The following COL24A1 variants were observed in gnomAD, a reference collection of about 807,000 sequenced individuals.
COL24A1 encodes the protein collagen type XXIV alpha 1 chain.
A neutral mutation model predicts 253.9 loss-of-function variants in COL24A1; 224 were observed. The observed-to-expected ratio is 0.88, with a 90% CI of 0.79 to 0.99. The LOEUF (loss-of-function observed/expected upper bound fraction) is 0.99, where lower values mean the gene tolerates loss of function less well. COL24A1 is among the 50% of genes least tolerant of loss of function. The probability of loss-of-function intolerance (pLI) is 0.00; values close to 1 mark genes in which losing one functional copy is unlikely to be tolerated. For missense variants in COL24A1, 2,131 were observed against 2,068.5 expected (o/e 1.03, Z -0.59); for synonymous variants, 685 against 673.7 (o/e 1.02, Z -0.26).
In COL24A1 at chr1:85,734,900, T is replaced by A. The variant is rs1200756052; in HGVS notation, c.4847A>T (p.His1616Leu). The change falls in exon 59 of 60, where the codon CAT (histidine) becomes CTT (leucine). Residue 1616 changes from histidine (H) to leucine (L), a missense_variant. Physicochemically the swap from His to Leu is moderately conservative, Grantham distance 99. Coordinates refer to ENST00000370571, the MANE Select transcript of COL24A1 (RefSeq NM_152890.7). ...FLHLLSSEAT[H>L]IITIHCLNTP... ...GTTTAGACAGTGAATGGTGATGATA[T>A]GGGTGGCTTCCGAACTCAGTAAATG... 1 of 1,614,116 alleles carries A rather than the reference T, an allele frequency of 6.2e-7. No homozygotes were observed. The highest frequency in any genetic ancestry group is 2.2e-5 in the East Asian group (1 of 44,902).
intron 5 of COL24A1, among the ~76,000 whole-genome samples, chr1:86,100,202 AGC>A (rs1704329697): frequency 6.6e-6 from 1 of 152,150 alleles, no homozygotes; most frequent in Admixed American, 6.6e-5. Flanking sequence ...AACCTCATTC[AGC>A]TATTCTTCAA....
intron 5 of COL24A1, among the ~76,000 whole-genome samples, chr1:86,108,278 A>G (rs557134290): frequency 1.4e-4 from 21 of 152,294 alleles, no homozygotes; most frequent in African/African-American, 4.3e-4. Context: ...CTCTATTACA[A>G]TGTGTTTAAT....
chr1:85,769,694 T>A (rs1170506899), intron 53 of COL24A1, among the ~76,000 whole-genome samples: 3 of 152,072 alleles, frequency 2.0e-5, no homozygotes, highest in African/African-American at 4.8e-5. Context: ...AGGCTAACCA[T>A]CCCAGATATT....
intron 3 of COL24A1, among the ~76,000 whole-genome samples, chr1:86,122,968 TTATC>T (rs1571997708): frequency 6.6e-6 from 1 of 152,054 alleles, no homozygotes; most frequent in African/African-American, 2.4e-5. Flanking sequence ...GCTTGGATCT[TTATC>T]TGTCTGCTTT....
chr1:85,984,232 T>C (rs1693510533), intron 20 of COL24A1, among the ~76,000 whole-genome samples: 1 of 151,902 alleles, frequency 6.6e-6, no homozygotes, highest in Admixed American at 6.6e-5. Flanking sequence ...TTGAAAGTTC[T>C]CTGGTTCTTC....
intron 12 of COL24A1, among the ~76,000 whole-genome samples, chr1:86,035,439 G>T (rs148022358): frequency 6.6e-5 from 10 of 152,154 alleles, no homozygotes; most frequent in African/African-American, 2.2e-4. Context: ...TCATTAGTAG[G>T]TTTTCCAGAA....
At chr1:86,053,808 A>G (rs1274434174) in intron 10 of COL24A1, among the ~76,000 whole-genome samples, 2 of 152,148 alleles carry the variant, frequency 1.3e-5, no homozygotes, top group African/African-American at 4.8e-5. Context: ...ATAACTGCCA[A>G]TGAAAAGCTA....
intron 24 of COL24A1, among the ~76,000 whole-genome samples, chr1:85,942,701 T>C (rs1183595178): frequency 2.6e-5 from 4 of 152,170 alleles, no homozygotes; most frequent in Non-Finnish European, 5.9e-5. Flanking sequence ...ATCCCTAATG[T>C]TGAAATCCTG....
chr1:85,858,804 G>C (rs1678804837), intron 37 of COL24A1, among the ~76,000 whole-genome samples: 2 of 151,626 alleles, frequency 1.3e-5, no homozygotes, highest in Non-Finnish European at 2.9e-5. Flanking sequence ...GCAGTGGCAT[G>C]ATCATGGCTC....
intron 45 of COL24A1, among the ~76,000 whole-genome samples, chr1:85,823,127 T>A (rs1673836664): frequency 6.6e-6 from 1 of 152,326 alleles, no homozygotes; most frequent in Non-Finnish European, 1.5e-5. Flanking sequence ...TTCCTTACCA[T>A]GCTTTAACAA....
intron 55 of COL24A1, among the ~76,000 whole-genome samples, chr1:85,759,247 C>T (rs965178718): frequency 1.2e-4 from 18 of 152,062 alleles, no homozygotes; most frequent in African/African-American, 3.9e-4. Context: ...CAAGCATGCA[C>T]TCAACATTTA....
At chr1:85,991,206 C>T (rs973719192) in intron 19 of COL24A1, among the ~76,000 whole-genome samples, 1 of 152,136 alleles carries the variant, frequency 6.6e-6, no homozygotes, top group Non-Finnish European at 1.5e-5. Flanking sequence ...GACCAAGAAA[C>T]AGGCAGAACT....
intron 20 of COL24A1, among the ~76,000 whole-genome samples, chr1:85,978,190 C>T (rs2100831850): frequency 6.6e-6 from 1 of 152,096 alleles, no homozygotes; most frequent in Non-Finnish European, 1.5e-5. Context: ...GAGCATTCAC[C>T]ACTACCAAGT....
chr1:85,773,084 A>G (rs1668149786), intron 53 of COL24A1, among the ~76,000 whole-genome samples: 1 of 152,190 alleles, frequency 6.6e-6, no homozygotes, highest in African/African-American at 2.4e-5. Flanking sequence ...AGTTTTCTGC[A>G]TATGGCAAGC....
chr1:85,844,335 A>G (rs1010008965), intron 39 of COL24A1, among the ~76,000 whole-genome samples: 4 of 152,202 alleles, frequency 2.6e-5, no homozygotes, highest in African/African-American at 9.6e-5. Flanking sequence ...GAGAAAATAA[A>G]CTCTGAAATT....
chr1:86,112,426 A>G, intron 5 of COL24A1, 141 bp downstream of exon 5: 1 of 635,004 alleles, frequency 1.6e-6, no homozygotes, highest in Non-Finnish European at 2.7e-6. Context: ...TAAGACAATC[A>G]TGTTGAAGAA....
intron 19 of COL24A1, among the ~76,000 whole-genome samples, chr1:86,002,799 C>T (rs1404735342): frequency 6.6e-6 from 1 of 152,108 alleles, no homozygotes; most frequent in Non-Finnish European, 1.5e-5. Context: ...TTGAATAGCC[C>T]CTCTAAGGCA....
chr1:85,795,790 T>C (rs1005136944), intron 47 of COL24A1, among the ~76,000 whole-genome samples: 1 of 152,144 alleles, frequency 6.6e-6, no homozygotes, highest in African/African-American at 2.4e-5. Flanking sequence ...CCTAGATTAT[T>C]AGGCAATGTA....
intron 47 of COL24A1, among the ~76,000 whole-genome samples, 183 bp from the exon 48 acceptor site, chr1:85,786,644 C>T (rs773917484): frequency 6.6e-6 from 1 of 152,180 alleles, no homozygotes; most frequent in Non-Finnish European, 1.5e-5. Context: ...ATACTCACCA[C>T]TCACTTGAAA....
Sources: allele counts gnomAD v4.1 joint callset (sites outside exome capture counted in the v4.1 genomes callset), GRCh38; gene constraint gnomAD v4.1.1; transcripts MANE v1.5; gene names NCBI Gene and HGNC (gene_info 2026-07-23, HGNC 2026-07-21).